PLCL2: variants seen among roughly 807,000 people sequenced by gnomAD.
PLCL2 encodes the protein inactive phospholipase C-like protein 2.
In PLCL2, 4 loss-of-function variants were observed where a neutral mutation model predicts 79.6. The observed-to-expected ratio is 0.05, with a 90% CI of 0.02 to 0.11. The LOEUF (loss-of-function observed/expected upper bound fraction) is 0.11, where lower values mean the gene tolerates loss of function less well. Ranked by LOEUF, PLCL2 falls within the 10% of genes least tolerant of loss-of-function variation. The pLI is 1.00. For missense variants in PLCL2, 895 were observed against 1,291.0 expected, an observed-to-expected ratio of 0.69 and a Z score of 4.70; for synonymous variants, 484 against 457.7, an observed-to-expected ratio of 1.06 and a Z score of -0.73.
intron 1 of PLCL2, among the ~76,000 whole-genome samples, chr3:16,936,209 A>T (rs1052411141): frequency 5.3e-5 from 8 of 152,264 alleles, no homozygotes; most frequent in Non-Finnish European, 1.0e-4. Flanking sequence ...ACATTTCCTA[A>T]AACTTTTACA....
intron 5 of PLCL2, among the ~76,000 whole-genome samples, chr3:17,082,045 G>T (rs1470141121): frequency 1.3e-5 from 2 of 152,192 alleles, no homozygotes; most frequent in Non-Finnish European, 1.5e-5. Flanking sequence ...GTGTCAGTGG[G>T]TGGCAGTGTT....
chr3:17,015,492 A>G (rs1001302347), intron 3 of PLCL2, among the ~76,000 whole-genome samples: 18 of 152,194 alleles, frequency 1.2e-4, no homozygotes, highest in African/African-American at 4.3e-4. Flanking sequence ...TTTCTTAATC[A>G]CATCCTGCTC....
intron 1 of PLCL2, among the ~76,000 whole-genome samples, chr3:17,007,798 A>G (rs918382337): frequency 9.2e-5 from 14 of 152,192 alleles, no homozygotes; most frequent in Non-Finnish European, 5.9e-5. Context: ...ATATTCAACA[A>G]TGTTCTTTTC....
At chr3:17,079,182 C>A (rs921642591) in intron 5 of PLCL2, among the ~76,000 whole-genome samples, 2 of 152,180 alleles carry the variant, frequency 1.3e-5, no homozygotes, top group African/African-American at 4.8e-5. Flanking sequence ...CCCCACTTGC[C>A]TCTCAGTGTC....
At chr3:17,071,966 A>G (rs1000314873) in intron 5 of PLCL2, among the ~76,000 whole-genome samples, 4 of 152,034 alleles carry the variant, frequency 2.6e-5, no homozygotes, top group Non-Finnish European at 4.4e-5. Context: ...AGCTGGGACT[A>G]TATGCATGTG....
At chr3:17,044,441 A>G (rs2064760723) in intron 4 of PLCL2, among the ~76,000 whole-genome samples, 1 of 152,166 alleles carries the variant, frequency 6.6e-6, no homozygotes, top group South Asian at 2.1e-4. Flanking sequence ...TCCAGGATTT[A>G]TGTTACCTAA....
chr3:17,036,941 T>C (rs2064664325), intron 3 of PLCL2, among the ~76,000 whole-genome samples: 1 of 152,150 alleles, frequency 6.6e-6, no homozygotes, highest in Non-Finnish European at 1.5e-5. Context: ...CTTAATCCCA[T>C]TGACTAGGAA....
chr3:17,081,971 G>A (rs1275215290), intron 5 of PLCL2, among the ~76,000 whole-genome samples: 3 of 152,182 alleles, frequency 2.0e-5, no homozygotes, highest in Non-Finnish European at 4.4e-5. Flanking sequence ...TGACATTTGA[G>A]TTGTTCAACT....
In PLCL2 at chr3:17,019,573, A is replaced by G. The variant is rs150036510; in HGVS notation, c.3018+4662A>G. 6.4e-3 allele frequency among the ~76,000 whole-genome samples: 969 copies of G among 152,300 alleles called. 5 individuals carry two copies. The highest frequency in any genetic ancestry group is 0.019 in the African/African-American group (802 of 41,548). Reference sequence around the variant, plus strand: ...CCCAAGTAACTGTAATAATAATAATATACAGTTATTCATGTGGGGCTCTTG... The same window carrying G: ...CCCAAGTAACTGTAATAATAATAATGTACAGTTATTCATGTGGGGCTCTTG... On this transcript the variant is annotated intron_variant, in intron 3 of 5. Coordinates refer to ENST00000615277, the MANE Select transcript of PLCL2 (RefSeq NM_001144382.2).
intron 3 of PLCL2, among the ~76,000 whole-genome samples, chr3:17,038,134 A>T (rs1356433671): frequency 6.6e-6 from 1 of 152,160 alleles, no homozygotes; most frequent in South Asian, 2.1e-4. Context: ...TTAAAATCTT[A>T]TATTAGAGGT....
chr3:17,050,562 C>T (rs1167124426), intron 4 of PLCL2, among the ~76,000 whole-genome samples: 7 of 152,096 alleles, frequency 4.6e-5, no homozygotes, highest in Non-Finnish European at 2.9e-5. Flanking sequence ...TATCATTGAT[C>T]CTCAGACAAA....
rs901897905 is a variant in PLCL2, at chr3:16,887,954, T to C, written c.327+2588T>C. Among the ~76,000 whole-genome samples the C allele has an allele frequency of 1.3e-5, 2 of 152,042 alleles. No individual in the cohort carries two copies. The highest frequency in any genetic ancestry group is 2.4e-5 in the African/African-American group (1 of 41,380). On this transcript the variant is annotated intron_variant, in intron 1 of 5. Transcript: ENST00000615277. The surrounding 1 kb of genome is among the most constrained non-coding windows in gnomAD (Gnocchi z 4.1). ...AGTAGATTAGTAAGCAAGGTGATAA[T>C]TGGGGACTTGAGGGAATAGCAGGGA...
intron 3 of PLCL2, among the ~76,000 whole-genome samples, chr3:17,033,157 A>G (rs2064603321): frequency 6.6e-6 from 1 of 152,192 alleles, no homozygotes; most frequent in African/African-American, 2.4e-5. Context: ...CTAGCTCTGA[A>G]GTGAGCTTTA....
At chr3:16,902,373 A>G (rs566523961) in intron 1 of PLCL2, among the ~76,000 whole-genome samples, 1 of 152,338 alleles carries the variant, frequency 6.6e-6, no homozygotes, top group South Asian at 2.1e-4. Context: ...TATTAAAATT[A>G]AACAATTGCG....
intron 1 of PLCL2, among the ~76,000 whole-genome samples, chr3:16,898,796 G>C (rs71627157): frequency 9.9e-5 from 15 of 152,238 alleles, no homozygotes; most frequent in Non-Finnish European, 1.9e-4. Context: ...GGATCTATTA[G>C]TTATGTTCCA....
intron 3 of PLCL2, among the ~76,000 whole-genome samples, chr3:17,023,188 C>CCT (rs2064475350): frequency 6.6e-6 from 1 of 152,202 alleles, no homozygotes; most frequent in South Asian, 2.1e-4. Context: ...GTTATTTCCT[C>CCT]CTCTCTGTTC....
chr3:16,929,911 C>T (rs1559488842), intron 1 of PLCL2, among the ~76,000 whole-genome samples: 5 of 152,192 alleles, frequency 3.3e-5, no homozygotes, highest in Admixed American at 2.6e-4. Context: ...TCTCCCAAGA[C>T]CCTCCAAGTA....
chr3:17,088,442 G>A (rs549801146), intron 5 of PLCL2, among the ~76,000 whole-genome samples: 4 of 152,118 alleles, frequency 2.6e-5, no homozygotes, highest in Admixed American at 2.0e-4. Context: ...GGAAAAAATA[G>A]CAAGCAAGGA....
chr3:17,066,998 C>A (rs1284409755), intron 4 of PLCL2, among the ~76,000 whole-genome samples: 3 of 152,090 alleles, frequency 2.0e-5, no homozygotes, highest in African/African-American at 7.2e-5. Context: ...AATTATGTAA[C>A]GTTTTGATAT....
Sources: allele counts gnomAD v4.1 joint callset (sites outside exome capture counted in the v4.1 genomes callset), GRCh38; gene constraint gnomAD v4.1.1; non-coding constraint Gnocchi (gnomAD v3.1); transcripts MANE v1.5; gene names NCBI Gene and HGNC (gene_info 2026-07-23, HGNC 2026-07-21).